ESRRB: variants seen among roughly 807,000 people sequenced by gnomAD.
The protein encoded by ESRRB is estrogen related receptor beta, also known as steroid hormone receptor ERR2.
A neutral mutation model predicts 46.0 loss-of-function variants in ESRRB; 16 were observed. That is an observed-to-expected ratio of 0.35 (90% CI 0.24 to 0.53). The LOEUF is 0.53. Ranked by LOEUF, ESRRB falls within the 20% of genes least tolerant of loss-of-function variation. The pLI, the probability that ESRRB is intolerant of heterozygous loss-of-function variation, is 0.93. For missense variants in ESRRB, 488 were observed against 607.4 expected (o/e 0.80, Z 2.07); for synonymous variants, 246 against 259.6 (o/e 0.95, Z 0.50).
chr14:76,500,508 G>T lies in ESRRB; in HGVS notation c.*2050G>T. The T allele has an allele frequency of 1.5e-6, 1 of 648,390 alleles. No individual in the cohort carries two copies. 40.2% of individuals were successfully genotyped at this position (648,390 alleles called of 1,614,324 possible). A position where few individuals can be genotyped will look rare whatever the true frequency, so the allele number is the denominator to read the frequency against. On this transcript the variant is annotated 3_prime_UTR_variant, in exon 7 of 7. Coordinates refer to ENST00000644823, the MANE Select transcript of ESRRB (RefSeq NM_001379180.1). Reference sequence around the variant, plus strand: ...TTTAGAGGCTCTGCCCTGAGGTTCTGCTCCGGAGAAACCTTCACAGTAGAG... The same window carrying T: ...TTTAGAGGCTCTGCCCTGAGGTTCTTCTCCGGAGAAACCTTCACAGTAGAG...
chr14:76,406,036 C>T (rs113973967), intron 1 of ESRRB, among the ~76,000 whole-genome samples: 1,605 of 152,272 alleles, frequency 0.011, 28 homozygotes, highest in African/African-American at 0.037. Context: ...CATTTAATTA[C>T]ACATTTAAAC....
intron 2 of ESRRB, among the ~76,000 whole-genome samples, chr14:76,460,083 A>T (rs941908297): frequency 2.0e-5 from 3 of 152,240 alleles, no homozygotes; most frequent in Non-Finnish European, 2.9e-5. Context: ...GCTACCTCAA[A>T]GCACTTTGTT....
intron 6 of ESRRB, among the ~76,000 whole-genome samples, chr14:76,497,812 T>C (rs991600114): frequency 1.3e-5 from 2 of 152,170 alleles, no homozygotes; most frequent in African/African-American, 4.8e-5. Flanking sequence ...TATAAACCCT[T>C]GACCTGTTTA....
intron 1 of ESRRB, among the ~76,000 whole-genome samples, chr14:76,315,652 G>A (rs543455190): frequency 6.6e-6 from 1 of 152,200 alleles, no homozygotes; most frequent in Non-Finnish European, 1.5e-5. Flanking sequence ...CGGAGCACTC[G>A]CTTCTGCACA....
intron 6 of ESRRB, among the ~76,000 whole-genome samples, chr14:76,496,932 AAC>A (rs1434830391): frequency 2.0e-5 from 3 of 152,376 alleles, no homozygotes; most frequent in Admixed American, 2.0e-4. Context: ...TTTTGTAATT[AAC>A]AGTTTATCAA....
chr14:76,483,143 C>T (rs1455134555), intron 5 of ESRRB, among the ~76,000 whole-genome samples: 2 of 152,222 alleles, frequency 1.3e-5, no homozygotes, highest in Admixed American at 1.3e-4. Context: ...CTGACCCTCT[C>T]TTCCTATTGG....
At chr14:76,353,333 T>A (rs1303434343) in intron 1 of ESRRB, among the ~76,000 whole-genome samples, 1 of 152,162 alleles carries the variant, frequency 6.6e-6, no homozygotes, top group Non-Finnish European at 1.5e-5. Flanking sequence ...TTGAAACCGA[T>A]GGGCAGCTGA....
chr14:76,393,896 G>A (rs1276805124), intron 1 of ESRRB, among the ~76,000 whole-genome samples: 3 of 151,958 alleles, frequency 2.0e-5, no homozygotes, highest in Admixed American at 1.3e-4. Context: ...CACCTCCCAG[G>A]TTCAAGCGAA....
At chr14:76,351,907 C>A (rs1238574494) in intron 1 of ESRRB, among the ~76,000 whole-genome samples, 3 of 149,446 alleles carry the variant, frequency 2.0e-5, no homozygotes, top group Non-Finnish European at 4.4e-5. Flanking sequence ...ATCACTGGGG[C>A]CCAGGAGTTC....
intron 1 of ESRRB, among the ~76,000 whole-genome samples, chr14:76,321,596 CT>C (rs918377568): frequency 1.3e-5 from 2 of 152,088 alleles, no homozygotes; most frequent in Admixed American, 1.3e-4. Flanking sequence ...GTTTCCTTAC[CT>C]TGTTGTCTAG....
intron 3 of ESRRB, among the ~76,000 whole-genome samples, chr14:76,467,288 G>A (rs575265027): frequency 6.6e-6 from 1 of 151,696 alleles, no homozygotes; most frequent in East Asian, 2.0e-4. Flanking sequence ...ATCACCTGAG[G>A]TCAGGAGTTC....
intron 1 of ESRRB, among the ~76,000 whole-genome samples, chr14:76,390,295 C>A (rs561817603): frequency 4.6e-5 from 7 of 152,140 alleles, no homozygotes; most frequent in Admixed American, 6.5e-5. Flanking sequence ...TTGAGACCAG[C>A]CTGGCCAACA....
chr14:76,365,748 A>G (rs1884514523), intron 1 of ESRRB, among the ~76,000 whole-genome samples: 1 of 152,242 alleles, frequency 6.6e-6, no homozygotes, highest in Non-Finnish European at 1.5e-5. Flanking sequence ...CTCAACAGCA[A>G]CTGCAAAAAT....
At chr14:76,342,092 G>A (rs1884198172) in intron 1 of ESRRB, among the ~76,000 whole-genome samples, 1 of 152,222 alleles carries the variant, frequency 6.6e-6, no homozygotes, top group Admixed American at 6.5e-5. Flanking sequence ...CGGGTATACA[G>A]AGAAGGATAA....
chr14:76,477,050 C>T (rs927051207), intron 3 of ESRRB, among the ~76,000 whole-genome samples: 6 of 152,344 alleles, frequency 3.9e-5, no homozygotes, highest in Non-Finnish European at 7.4e-5. Context: ...CGAGATCACA[C>T]CACTGCAGTC....
intron 5 of ESRRB, among the ~76,000 whole-genome samples, chr14:76,485,147 C>T (rs183084916): frequency 6.6e-6 from 1 of 151,972 alleles, no homozygotes; most frequent in East Asian, 1.9e-4. Context: ...CCTGACCTTC[C>T]AGTGTTTAAG....
chr14:76,402,403 G>A (rs1196841401), intron 1 of ESRRB, among the ~76,000 whole-genome samples: 1 of 152,160 alleles, frequency 6.6e-6, no homozygotes, highest in Non-Finnish European at 1.5e-5. Context: ...TATTTGACTT[G>A]TTCACTCAAG....
intron 3 of ESRRB, among the ~76,000 whole-genome samples, chr14:76,472,956 C>T (rs926519769): frequency 1.3e-5 from 2 of 152,202 alleles, no homozygotes; most frequent in African/African-American, 2.4e-5. Flanking sequence ...ACTCATTCCT[C>T]GACATCTCCC....
chr14:76,393,218 A>G (rs1777265781), intron 1 of ESRRB, among the ~76,000 whole-genome samples: 1 of 152,104 alleles, frequency 6.6e-6, no homozygotes, highest in South Asian at 2.1e-4. Context: ...GAGACCCTGT[A>G]GGCTTGTTGT....
Sources: allele counts gnomAD v4.1 joint callset (sites outside exome capture counted in the v4.1 genomes callset), GRCh38; gene constraint gnomAD v4.1.1; transcripts MANE v1.5; gene names NCBI Gene and HGNC (gene_info 2026-07-23, HGNC 2026-07-21).